The following RARB variants were observed in gnomAD, a reference collection of about 807,000 sequenced individuals.
RARB encodes retinoic acid receptor beta.
In RARB, 17 loss-of-function variants were observed where a neutral mutation model predicts 51.9. The observed-to-expected ratio is 0.33, with a 90% confidence interval of 0.22 to 0.49. The LOEUF (loss-of-function observed/expected upper bound fraction) is 0.49. Among genes scored for constraint, RARB ranks in the 20% least tolerant of loss-of-function variants. The pLI, the probability that RARB is intolerant of heterozygous loss-of-function variation, is 0.99. For synonymous variants in RARB, 215 were observed against 195.4 expected (o/e 1.10, Z -0.84); for missense variants, 369 against 550.8 (o/e 0.67, Z 3.30).
rs201016013 is a variant in RARB at position 25,130,925 on chromosome 3, TTATC to T, written c.-327-1235_-327-1232del. Among the ~76,000 whole-genome samples, 176 of 28,232 alleles carry T rather than the reference TTATC, an allele frequency of 6.2e-3. 2 individuals are homozygous for T. The highest frequency in any genetic ancestry group is 0.025 in the East Asian group (14 of 568). The allele number at this position is 28,232 out of a possible 152,430, so 18.5% of individuals were successfully genotyped here. On this transcript the variant is annotated intron_variant, in intron 3 of 11. Transcript: ENST00000383772. Reference sequence around the variant, plus strand: ...ATATTATTGATAATATTATCAATATTTATCATTGATAATATCAATATTTATTATT... The same window carrying T: ...ATATTATTGATAATATTATCAATATTATTGATAATATCAATATTTATTATT...
At chr3:25,391,520 A>G (rs1038262422) in intron 5 of RARB, among the ~76,000 whole-genome samples, 13 of 152,162 alleles carry the variant, frequency 8.5e-5, no homozygotes, top group Non-Finnish European at 4.4e-5. Flanking sequence ...TAGCAGTGCA[A>G]AAGTGTTCCC....
At chr3:24,954,872 G>A (rs957382251) in intron 2 of RARB, among the ~76,000 whole-genome samples, 4 of 152,174 alleles carry the variant, frequency 2.6e-5, no homozygotes, top group Non-Finnish European at 5.9e-5. Context: ...GGAGTGGGGA[G>A]CATGCAGGTG....
chr3:25,464,637 A>G (rs1695340834), intron 2 of RARB, among the ~76,000 whole-genome samples: 1 of 152,162 alleles, frequency 6.6e-6, no homozygotes, highest in Non-Finnish European at 1.5e-5. Context: ...TACAACAGCC[A>G]AAGAAAAAGA....
At chr3:25,219,689 G>C (rs192087278) in intron 5 of RARB, among the ~76,000 whole-genome samples, 1 of 152,096 alleles carries the variant, frequency 6.6e-6, no homozygotes, top group East Asian at 1.9e-4. Flanking sequence ...GCTCACTGTT[G>C]TGCTATTTTC....
chr3:25,298,060 A>G (rs1703958566), intron 5 of RARB, among the ~76,000 whole-genome samples: 2 of 152,166 alleles, frequency 1.3e-5, no homozygotes, highest in Admixed American at 1.3e-4. Flanking sequence ...ACAGCTAAGC[A>G]TGTGTTCTTT....
At chr3:25,066,203 A>G (rs1698658807) in intron 3 of RARB, among the ~76,000 whole-genome samples, 1 of 152,054 alleles carries the variant, frequency 6.6e-6, no homozygotes, top group Non-Finnish European at 1.5e-5. Flanking sequence ...CTTTGATAAA[A>G]CATGCTTTCA....
chr3:25,121,350 T>A (rs1699780558), intron 3 of RARB, among the ~76,000 whole-genome samples: 1 of 152,284 alleles, frequency 6.6e-6, no homozygotes, highest in Middle Eastern at 3.4e-3. Context: ...CACCTCCTTT[T>A]CAGTTTTCAG....
chr3:25,228,874 G>C (rs559680882), intron 5 of RARB, among the ~76,000 whole-genome samples: 1 of 152,158 alleles, frequency 6.6e-6, no homozygotes, highest in South Asian at 2.1e-4. Flanking sequence ...GTAGTCCTTG[G>C]AGTGACTCCT....
chr3:25,148,092 T>G (rs1472554515), intron 4 of RARB, among the ~76,000 whole-genome samples: 2 of 152,214 alleles, frequency 1.3e-5, no homozygotes, highest in Non-Finnish European at 2.9e-5. Flanking sequence ...TCAGGAATTC[T>G]GTTACTTGTA....
At chr3:25,047,574 G>A (rs1274003930) in intron 2 of RARB, among the ~76,000 whole-genome samples, 1 of 152,222 alleles carries the variant, frequency 6.6e-6, no homozygotes, top group Non-Finnish European at 1.5e-5. Context: ...TGTACATGGG[G>A]AAATGAAGGG....
intron 5 of RARB, among the ~76,000 whole-genome samples, chr3:25,315,820 T>C (rs1425277044): frequency 6.6e-6 from 1 of 152,028 alleles, no homozygotes; most frequent in Non-Finnish European, 1.5e-5. Flanking sequence ...GGTTTCACTA[T>C]GTTACCCAGG....
chr3:25,525,007 GCTTGAGCCACCACGTCCAGCC>G (rs1371072555), intron 3 of RARB, among the ~76,000 whole-genome samples: 1 of 152,014 alleles, frequency 6.6e-6, no homozygotes, highest in Non-Finnish European at 1.5e-5. Flanking sequence ...GGGATTATAG[GCTTGAGCCACCACGTCCAGCC>G]CTTTGTATAT....
Position 25,339,195 on chromosome 3 carries a change from C to T in RARB, c.179-121998C>T, listed in dbSNP as rs114764730. ...TATTGCCTTGTCCTACCGAAACAAA[C>T]CTCACTTGCTAAATGAAGTTTAGCC... On this transcript the variant is annotated intron_variant, in intron 5 of 11. Coordinates refer to the RARB transcript ENST00000383772. Among the ~76,000 whole-genome samples, 1,150 of 152,322 alleles carry T rather than the reference C, an allele frequency of 7.5e-3. 14 individuals are homozygous for T. The highest frequency in any genetic ancestry group is 0.026 in the African/African-American group (1,070 of 41,578).
At chr3:25,554,164 G>A (rs1353437027) in intron 3 of RARB, among the ~76,000 whole-genome samples, 1 of 150,602 alleles carries the variant, frequency 6.6e-6, no homozygotes, top group Non-Finnish European at 1.5e-5. Flanking sequence ...GTGCGTGGAG[G>A]TGTAGGGCAG....
At chr3:24,869,600 A>G (rs1055319005) in intron 2 of RARB, among the ~76,000 whole-genome samples, 5 of 152,144 alleles carry the variant, frequency 3.3e-5, no homozygotes, top group South Asian at 2.1e-4. Context: ...TGACAGTTGT[A>G]TGAATTTCTT....
chr3:24,936,985 T>A (rs1695560350), intron 2 of RARB, among the ~76,000 whole-genome samples: 1 of 152,212 alleles, frequency 6.6e-6, no homozygotes, highest in Admixed American at 6.5e-5. Flanking sequence ...AAGTCTTCAG[T>A]GCCAGTCATA....
At chr3:25,209,340 A>C (rs1405293411) in intron 5 of RARB, among the ~76,000 whole-genome samples, 1 of 152,216 alleles carries the variant, frequency 6.6e-6, no homozygotes, top group African/African-American at 2.4e-5. Flanking sequence ...TTTTAGGTGC[A>C]CAGTCATCCC....
intron 5 of RARB, among the ~76,000 whole-genome samples, chr3:25,353,811 A>T (rs899751945): frequency 1.6e-4 from 24 of 152,174 alleles, no homozygotes; most frequent in African/African-American, 5.5e-4. Context: ...GTGACAATAA[A>T]CCCAGACTTC....
At chr3:25,212,154 AG>A (rs1490653799) in intron 5 of RARB, among the ~76,000 whole-genome samples, 1 of 152,236 alleles carries the variant, frequency 6.6e-6, no homozygotes, top group Non-Finnish European at 1.5e-5. Flanking sequence ...GTGATTAAAA[AG>A]TTTACCTAAA....
Sources: gnomAD v4.1 joint callset for allele counts (sites outside exome capture counted in the v4.1 genomes callset) on GRCh38, gnomAD v4.1.1 for gene constraint, MANE v1.5 for transcripts, NCBI Gene and HGNC (gene_info 2026-07-23, HGNC 2026-07-21) for gene names.